Variants in NXPE2 observed in about 807,000 individuals in gnomAD.
NXPE2 encodes neurexophilin and PC-esterase domain family member 2, also known as NXPE family member 2.
NXPE2 carries 34 observed loss-of-function variants against 34.4 expected under a neutral mutation model. The ratio of observed to expected loss-of-function variants is 0.99; its 90% CI spans 0.75 to 1.31. The LOEUF is 1.31. Ranked by LOEUF, NXPE2 falls within the 40% of genes most tolerant of loss-of-function variation. The probability of loss-of-function intolerance (pLI) is 0.00; values close to 1 mark genes in which losing one functional copy is unlikely to be tolerated. For synonymous variants in NXPE2, 235 were observed against 231.3 expected (o/e 1.02, Z -0.15); for missense variants, 649 against 672.5 (o/e 0.97, Z 0.39).
intron 2 of NXPE2, among the ~76,000 whole-genome samples, chr11:114,682,408 G>C (rs1950964261): frequency 6.6e-6 from 1 of 152,144 alleles, no homozygotes; most frequent in Non-Finnish European, 1.5e-5. Flanking sequence ...GCCTTGAGGA[G>C]TTGAATGGCT....
the NXPE2 span, among the ~76,000 whole-genome samples, chr11:114,608,056 G>A: frequency 3.3e-5 from 5 of 151,594 alleles, no homozygotes; most frequent in Non-Finnish European, 7.4e-5. Context: ...GTGTTTCCTC[G>A]GGGGTAACCA....
At chr11:114,609,642 G>T in the NXPE2 span, among the ~76,000 whole-genome samples, 101,230 of 148,442 alleles carry the variant, frequency 0.68, 34,262 homozygotes, top group African/African-American at 0.76. Flanking sequence ...TAATAAGTGT[G>T]GCCTCGTGGG....
chr11:114,794,137 G>T, the NXPE2 span, among the ~76,000 whole-genome samples: 1 of 151,992 alleles, frequency 6.6e-6, no homozygotes, highest in Non-Finnish European at 1.5e-5. Context: ...CTCTCCCGTC[G>T]GCTCTCCATC....
chr11:114,787,350 G>A, the NXPE2 span, among the ~76,000 whole-genome samples: 4 of 152,166 alleles, frequency 2.6e-5, no homozygotes, highest in African/African-American at 9.7e-5. Context: ...GTGGGTGCCT[G>A]GTGCAGTTCC....
chr11:114,560,697 A>G, the NXPE2 span, among the ~76,000 whole-genome samples: 3 of 152,220 alleles, frequency 2.0e-5, no homozygotes, highest in Non-Finnish European at 4.4e-5. Context: ...AATACAGTAA[A>G]TGTTGCTGTA....
the NXPE2 span, among the ~76,000 whole-genome samples, chr11:114,779,900 C>T: frequency 1.1e-4 from 17 of 152,172 alleles, no homozygotes; most frequent in Non-Finnish European, 1.9e-4. Flanking sequence ...AAGGAGTCTT[C>T]TCCCCTCCCT....
the NXPE2 span, among the ~76,000 whole-genome samples, chr11:114,801,744 T>C: frequency 5.3e-5 from 8 of 152,172 alleles, no homozygotes; most frequent in South Asian, 1.7e-3. Flanking sequence ...ATAGATTGGA[T>C]GTTGGAGGTG....
chr11:114,482,943 C>T, the NXPE2 span, among the ~76,000 whole-genome samples: 5 of 152,270 alleles, frequency 3.3e-5, no homozygotes, highest in South Asian at 4.1e-4. Context: ...AGGTTCCTCC[C>T]ACTGCTCCCA....
chr11:114,779,705 T>C, the NXPE2 span, among the ~76,000 whole-genome samples: 1 of 151,748 alleles, frequency 6.6e-6, no homozygotes, highest in Non-Finnish European at 1.5e-5. Context: ...GGACTGAGGG[T>C]AACAGCAGAA....
At chr11:114,738,729 C>A in the NXPE2 span, among the ~76,000 whole-genome samples, 1 of 152,130 alleles carries the variant, frequency 6.6e-6, no homozygotes, top group Non-Finnish European at 1.5e-5. Context: ...CTGTGCATAC[C>A]ACCTGATGTT....
the NXPE2 span, among the ~76,000 whole-genome samples, chr11:114,643,510 C>T: frequency 0.27 from 41,553 of 151,822 alleles, 5,982 homozygotes; most frequent in South Asian, 0.32. Flanking sequence ...TTATTAAATA[C>T]GGAATCCTTT....
the NXPE2 span, among the ~76,000 whole-genome samples, chr11:114,622,325 T>A: frequency 1.3e-5 from 2 of 152,132 alleles, no homozygotes; most frequent in South Asian, 2.1e-4. Context: ...GAACCACTGT[T>A]ACCCAATGCA....
the NXPE2 span, among the ~76,000 whole-genome samples, chr11:114,740,032 A>G: frequency 3.0e-5 from 4 of 134,824 alleles, no homozygotes; most frequent in African/African-American, 1.1e-4. Flanking sequence ...AGTACCAAAC[A>G]CTATATATAT....
the NXPE2 span, chr11:114,583,913 T>C: frequency 5.1e-6 from 2 of 393,958 alleles, no homozygotes; most frequent in African/African-American, 4.2e-5. Context: ...CAAAGGCAGA[T>C]ATTATGCTAT....
chr11:114,652,314 C>A, the NXPE2 span, among the ~76,000 whole-genome samples: 1 of 152,266 alleles, frequency 6.6e-6, no homozygotes, highest in East Asian at 1.9e-4. Flanking sequence ...TCCTTCCTAC[C>A]CCTTTGGAAA....
At chr11:114,480,884 T>G in the NXPE2 span, among the ~76,000 whole-genome samples, 1 of 152,178 alleles carries the variant, frequency 6.6e-6, no homozygotes. Flanking sequence ...ATAAATTATA[T>G]TACAACAAGG....
At chr11:114,672,733 A>T in the NXPE2 span, among the ~76,000 whole-genome samples, 1 of 151,974 alleles carries the variant, frequency 6.6e-6, no homozygotes, top group Non-Finnish European at 1.5e-5. Context: ...TTCTAATGTT[A>T]AAAGTGTCAA....
chr11:114,716,699 G>T, the NXPE2 span, among the ~76,000 whole-genome samples: 1 of 152,262 alleles, frequency 6.6e-6, no homozygotes, highest in East Asian at 1.9e-4. Flanking sequence ...ACATTCCACT[G>T]AGCCAAATAA....
chr11:114,671,584 C>T, the NXPE2 span, among the ~76,000 whole-genome samples: 1 of 151,930 alleles, frequency 6.6e-6, no homozygotes, highest in South Asian at 2.1e-4. Context: ...ATAAGACTAA[C>T]AACTGACTTT....
Sources: gnomAD v4.1 joint callset for allele counts (sites outside exome capture counted in the v4.1 genomes callset) on GRCh38, gnomAD v4.1.1 for gene constraint, MANE v1.5 for transcripts, NCBI Gene and HGNC (gene_info 2026-07-23, HGNC 2026-07-21) for gene names.